The following GRM8 variants were observed in gnomAD, a reference collection of about 807,000 sequenced individuals.
The protein encoded by GRM8 is glutamate metabotropic receptor 8, also known as metabotropic glutamate receptor 8.
Under a neutral mutation model 87.2 loss-of-function variants are expected in GRM8, and 47 were observed. That is an observed-to-expected ratio of 0.54 (90% confidence interval 0.43 to 0.69). The LOEUF (loss-of-function observed/expected upper bound fraction) is 0.69. Ranked by LOEUF, GRM8 falls within the 30% of genes least tolerant of loss-of-function variation. GRM8 has a pLI of 0.00. For missense variants in GRM8, 1,019 were observed against 1,139.2 expected, an observed-to-expected ratio of 0.89 and a Z score of 1.52; for synonymous variants, 396 against 404.5, an observed-to-expected ratio of 0.98 and a Z score of 0.25.
intron 7 of GRM8, among the ~76,000 whole-genome samples, chr7:126,618,952 G>A (rs1280489694): frequency 6.6e-6 from 1 of 152,172 alleles, no homozygotes; most frequent in Non-Finnish European, 1.5e-5. Context: ...CAACCATTGT[G>A]GAAGACAGTG....
intron 6 of GRM8, among the ~76,000 whole-genome samples, chr7:126,824,624 T>A (rs1434074548): frequency 2.0e-5 from 3 of 152,204 alleles, no homozygotes; most frequent in South Asian, 4.1e-4. Context: ...CATTTTATCT[T>A]TCTATTTGTC....
chr7:126,874,852 A>G (rs375104802), intron 6 of GRM8, among the ~76,000 whole-genome samples: 2 of 152,174 alleles, frequency 1.3e-5, no homozygotes, highest in Non-Finnish European at 2.9e-5. Flanking sequence ...GACCTTCCAC[A>G]ATAGAATCAA....
chr7:127,222,683 G>T (rs1797013023), intron 2 of GRM8, among the ~76,000 whole-genome samples: 1 of 152,120 alleles, frequency 6.6e-6, no homozygotes, highest in African/African-American at 2.4e-5. Context: ...AACAATAATG[G>T]CTATTCATGT....
intron 2 of GRM8, among the ~76,000 whole-genome samples, chr7:127,189,209 G>A (rs994389904): frequency 9.9e-5 from 15 of 152,158 alleles, no homozygotes; most frequent in Non-Finnish European, 1.9e-4. Flanking sequence ...CATTACAAAT[G>A]TGTTTGTGTT....
At chr7:126,806,937 G>A (rs1230386130) in intron 6 of GRM8, among the ~76,000 whole-genome samples, 1 of 152,212 alleles carries the variant, frequency 6.6e-6, no homozygotes, top group African/African-American at 2.4e-5. Context: ...CAGCCCCAGA[G>A]AGGGGCCCCC....
At chr7:126,950,799 G>A (rs1337996064) in intron 3 of GRM8, among the ~76,000 whole-genome samples, 2 of 152,056 alleles carry the variant, frequency 1.3e-5, no homozygotes, top group African/African-American at 2.4e-5. Context: ...CAAATTCACC[G>A]TACTAGTAAG....
chr7:126,977,997 T>G, intron 3 of GRM8, among the ~76,000 whole-genome samples: 1 of 152,154 alleles, frequency 6.6e-6, no homozygotes, highest in East Asian at 1.9e-4. Context: ...TGTAAAATGA[T>G]GTGATTAAGT....
chr7:127,156,331 TG>T (rs1316952894), intron 2 of GRM8, among the ~76,000 whole-genome samples: 1 of 152,150 alleles, frequency 6.6e-6, no homozygotes, highest in African/African-American at 2.4e-5. Flanking sequence ...TGGGCTGCAT[TG>T]GGAGAAGATT....
At chr7:126,529,246 G>T (rs140140811) in intron 9 of GRM8, among the ~76,000 whole-genome samples, 452 of 152,166 alleles carry the variant, frequency 3.0e-3, no homozygotes, top group Non-Finnish European at 4.4e-3. Context: ...TTCCCATTGT[G>T]CTATAGTCTA....
chr7:127,239,070 G>C (rs1798142911), intron 2 of GRM8, among the ~76,000 whole-genome samples: 1 of 152,208 alleles, frequency 6.6e-6, no homozygotes, highest in Non-Finnish European at 1.5e-5. Context: ...GACTGGAGAG[G>C]CTGACACAGG....
chr7:127,176,517 G>T (rs192508295), intron 2 of GRM8, among the ~76,000 whole-genome samples: 338 of 152,244 alleles, frequency 2.2e-3, no homozygotes, highest in Admixed American at 4.9e-3. Flanking sequence ...AGACAGCAAC[G>T]TACAGAAGCT....
chr7:127,087,118 A>T (rs1397235811), intron 3 of GRM8, among the ~76,000 whole-genome samples: 1 of 152,236 alleles, frequency 6.6e-6, no homozygotes, highest in Non-Finnish European at 1.5e-5. Context: ...CAGGACATTA[A>T]CACAGGACCT....
At chr7:126,957,810 A>T (rs1808884547) in intron 3 of GRM8, among the ~76,000 whole-genome samples, 1 of 152,188 alleles carries the variant, frequency 6.6e-6, no homozygotes, top group Non-Finnish European at 1.5e-5. Context: ...TGAGAGCAGA[A>T]AGGGGTGGAT....
chr7:126,598,546 T>C (rs1282603824), intron 8 of GRM8, among the ~76,000 whole-genome samples: 1 of 152,288 alleles, frequency 6.6e-6, no homozygotes, highest in African/African-American at 2.4e-5. Context: ...TGTCCTCACT[T>C]ATTTATTTGT....
chr7:126,896,352 T>C (rs1435373333), intron 6 of GRM8, among the ~76,000 whole-genome samples: 5 of 151,954 alleles, frequency 3.3e-5, no homozygotes, highest in Non-Finnish European at 7.4e-5. Flanking sequence ...GTAAAGGCAT[T>C]CTCCCCAAGA....
chr7:127,095,750 A>C (rs892741035), intron 3 of GRM8: 3 of 152,148 alleles, frequency 2.0e-5, no homozygotes, highest in Non-Finnish European at 2.9e-5. Context: ...GCTCTCTCTC[A>C]GGCACAGTGT....
intron 3 of GRM8, among the ~76,000 whole-genome samples, chr7:126,992,408 C>T (rs1812747193): frequency 6.6e-6 from 1 of 151,978 alleles, no homozygotes; most frequent in Admixed American, 6.6e-5. Context: ...GTTAATTGAG[C>T]AAGATTGCAG....
chr7:126,874,788 A>G (rs1349992670), intron 6 of GRM8, among the ~76,000 whole-genome samples: 5 of 152,156 alleles, frequency 3.3e-5, no homozygotes, highest in Admixed American at 2.6e-4. Flanking sequence ...TGCAAATTAC[A>G]TAAACATGGA....
chr7:126,619,780 T>C (rs911873606), intron 7 of GRM8, among the ~76,000 whole-genome samples: 1 of 152,118 alleles, frequency 6.6e-6, no homozygotes, highest in African/African-American at 2.4e-5. Context: ...AACATCTGCC[T>C]CCTAGGATCG....
Sources: gnomAD v4.1 joint callset for allele counts (sites outside exome capture counted in the v4.1 genomes callset) on GRCh38, gnomAD v4.1.1 for gene constraint, MANE v1.5 for transcripts, NCBI Gene and HGNC (gene_info 2026-07-23, HGNC 2026-07-21) for gene names.